AUH: variants seen among roughly 807,000 people sequenced by gnomAD.
The protein encoded by AUH is methylglutaconyl-CoA hydratase, mitochondrial.
Under a neutral mutation model 42.3 loss-of-function variants are expected in AUH, and 29 were observed. The ratio of observed to expected loss-of-function variants is 0.69; its 90% CI spans 0.51 to 0.93. AUH has a LOEUF of 0.93. Ranked by LOEUF, AUH falls within the 40% of genes least tolerant of loss-of-function variation. The pLI, the probability that AUH is intolerant of heterozygous loss-of-function variation, is 0.00. For synonymous variants in AUH, 174 were observed against 166.4 expected, an observed-to-expected ratio of 1.05 and a Z score of -0.35; for missense variants, 452 against 438.1, an observed-to-expected ratio of 1.03 and a Z score of -0.28.
chr9:91,293,412 A>G (rs1333970654), intron 6 of AUH, among the ~76,000 whole-genome samples: 2 of 152,268 alleles, frequency 1.3e-5, no homozygotes, highest in Non-Finnish European at 2.9e-5. Context: ...CACAGGAATA[A>G]GAAGAAAGCA....
chr9:91,284,943 A>G (rs1826281313), intron 6 of AUH, among the ~76,000 whole-genome samples: 1 of 152,234 alleles, frequency 6.6e-6, no homozygotes, highest in Admixed American at 6.5e-5. Flanking sequence ...CATTTGACCC[A>G]GCCATCCCGT....
intron 6 of AUH, among the ~76,000 whole-genome samples, chr9:91,259,184 CAATTTCTTAAAAA>C (rs937482247): frequency 2.6e-5 from 4 of 152,152 alleles, no homozygotes; most frequent in Non-Finnish European, 5.9e-5. Flanking sequence ...ATTACAAATT[CAATTTCTTAAAAA>C]AGTACAGAAG....
chr9:91,303,354 A>T (rs1034414840), intron 4 of AUH, among the ~76,000 whole-genome samples: 1 of 151,878 alleles, frequency 6.6e-6, no homozygotes, highest in Non-Finnish European at 1.5e-5. Context: ...TTTGAAACGG[A>T]GTCTCTTGCT....
In AUH at chr9:91,325,327, T is replaced by TA; in HGVS notation, c.495dup (p.Asn166Ter). 1 of 1,613,708 alleles carries TA rather than the reference T, an allele frequency of 6.2e-7. No individual in the cohort carries two copies. Among genetic ancestry groups the TA allele is most frequent in the Non-Finnish European group, 8.5e-7 (1 of 1,179,702 alleles). ...ACTTAATAGTGCTTACCAATATCGT[T>TA]AATCACTGCTCTTATTTTGGAGACA... On this transcript the variant is annotated frameshift_variant, in exon 4 of 10. Coordinates refer to ENST00000375731, the MANE Select transcript of AUH (RefSeq NM_001698.3). LOFTEE classifies it high-confidence loss of function.
chr9:91,306,445 T>C, intron 4 of AUH: 1 of 902,402 alleles, frequency 1.1e-6, no homozygotes, highest in Non-Finnish European at 1.3e-6. Flanking sequence ...GATAAAAAGA[T>C]AACATACCAT....
chr9:91,340,880 G>A, intron 3 of AUH, among the ~76,000 whole-genome samples: 1 of 152,152 alleles, frequency 6.6e-6, no homozygotes, highest in East Asian at 1.9e-4. Flanking sequence ...TCTAAGGGTT[G>A]TAAAGATAAA....
chr9:91,358,400 C>G lies in AUH; in HGVS notation c.263-2245G>C, dbSNP rs563753681. ...AGGTGTGATTGCTGGGGATGAAATC[C>G]CAGTCTGCCGCTTACTAGCTATTCG... On this transcript the variant is annotated intron_variant, in intron 1 of 9. Transcript: ENST00000375731. Among the ~76,000 whole-genome samples the G allele has an allele frequency of 6.6e-5, 10 of 152,238 alleles. No individual in the cohort carries two copies. In the East Asian group the frequency reaches 1.9e-3, roughly 29 times the overall value.
At chr9:91,235,550 T>C (rs1828130635) in intron 6 of AUH, among the ~76,000 whole-genome samples, 1 of 152,158 alleles carries the variant, frequency 6.6e-6, no homozygotes, top group Non-Finnish European at 1.5e-5. Context: ...GGTTTACCAA[T>C]GATTAGTATC....
intron 6 of AUH, among the ~76,000 whole-genome samples, chr9:91,234,470 A>G (rs2131307306): frequency 6.6e-6 from 1 of 152,316 alleles, no homozygotes; most frequent in African/African-American, 2.4e-5. Flanking sequence ...GAGACTTACA[A>G]TAAATTTCCT....
chr9:91,274,545 T>C (rs933701598), intron 6 of AUH, among the ~76,000 whole-genome samples: 2 of 152,228 alleles, frequency 1.3e-5, no homozygotes, highest in African/African-American at 4.8e-5. Flanking sequence ...CTAGTAGTAG[T>C]TGTAAGCCTT....
rs1826800635 is a variant in AUH at position 91,216,040 on chromosome 9, T to C, written c.942+19A>G. 7 of 1,600,076 alleles carry C rather than the reference T, an allele frequency of 4.4e-6. No individual in the cohort carries two copies. Among genetic ancestry groups the C allele is most frequent in the African/African-American group, 1.3e-5 (1 of 74,574 alleles). On this transcript the variant is annotated intron_variant, in intron 9 of 9. Transcript: ENST00000375731. ...TTTGTAAGGGTCATCCTCATTGAAT[T>C]TGTGATTGCATTACATACCTGAGCA...
chr9:91,290,457 G>T (rs1243942948), intron 6 of AUH, among the ~76,000 whole-genome samples: 3 of 152,112 alleles, frequency 2.0e-5, no homozygotes, highest in South Asian at 4.1e-4. Context: ...ACCATCCTTT[G>T]TAAGTACATG....
intron 3 of AUH, among the ~76,000 whole-genome samples, chr9:91,331,429 T>C (rs1260217244): frequency 6.6e-6 from 1 of 152,230 alleles, no homozygotes; most frequent in Admixed American, 6.5e-5. Context: ...TTCCTTGTAT[T>C]TCAAGTGTAT....
chr9:91,282,694 A>C (rs1221557658), intron 6 of AUH, among the ~76,000 whole-genome samples: 1 of 152,214 alleles, frequency 6.6e-6, no homozygotes, highest in African/African-American at 2.4e-5. Context: ...CTCTATGCAA[A>C]TAAACTAGAA....
At chr9:91,328,788 A>G (rs1830129421) in intron 3 of AUH, among the ~76,000 whole-genome samples, 1 of 152,260 alleles carries the variant, frequency 6.6e-6, no homozygotes, top group African/African-American at 2.4e-5. Context: ...AATAATTTAC[A>G]TAAAATAGAG....
chr9:91,348,049 TA>T (rs1831665593), intron 3 of AUH, among the ~76,000 whole-genome samples: 1 of 147,190 alleles, frequency 6.8e-6, no homozygotes, highest in Non-Finnish European at 1.5e-5. Context: ...GTATAACAGA[TA>T]AAAGTCTTGT....
chr9:91,298,100 G>A (rs1827493958), intron 4 of AUH, 24 bp from the exon 5 acceptor site: 5 of 1,544,886 alleles, frequency 3.2e-6, no homozygotes, highest in Non-Finnish European at 4.5e-6. Flanking sequence ...AAAATTTTAT[G>A]CTTCCTTAAT....
intron 6 of AUH, among the ~76,000 whole-genome samples, chr9:91,248,890 T>C (rs1334583867): frequency 1.3e-5 from 2 of 152,242 alleles, no homozygotes; most frequent in Non-Finnish European, 2.9e-5. Context: ...ATTAGCAGGC[T>C]AGCACAATGG....
intron 3 of AUH, among the ~76,000 whole-genome samples, chr9:91,336,163 TAAA>T (rs1470041639): frequency 3.9e-5 from 6 of 152,104 alleles, no homozygotes; most frequent in Non-Finnish European, 7.4e-5. Context: ...AATTTAAACA[TAAA>T]AAACCCACGT....
Sources: gnomAD v4.1 joint callset for allele counts (sites outside exome capture counted in the v4.1 genomes callset) on GRCh38, gnomAD v4.1.1 for gene constraint, MANE v1.5 for transcripts, NCBI Gene and HGNC (gene_info 2026-07-23, HGNC 2026-07-21) for gene names.